The following HYCC2 variants were observed in gnomAD, a reference collection of about 807,000 sequenced individuals.
HYCC2 encodes the protein hyccin PI4KA lipid kinase complex subunit 2.
the HYCC2 span, chr2:201,022,847 T>C: frequency 2.5e-6 from 4 of 1,606,070 alleles, no homozygotes; most frequent in Middle Eastern, 1.6e-4. Context: ...ATTTGAATCT[T>C]GAATAACTTT....
the HYCC2 span, chr2:201,052,228 G>A: frequency 1.3e-5 from 2 of 152,784 alleles, no homozygotes; most frequent in Non-Finnish European, 2.9e-5. Flanking sequence ...AGCCCAGGAG[G>A]CGAGGCTGCA....
At chr2:200,982,737 A>T in the HYCC2 span, among the ~76,000 whole-genome samples, 2 of 152,174 alleles carry the variant, frequency 1.3e-5, no homozygotes. Flanking sequence ...TTCATGCAGA[A>T]ACTGCAGTTA....
chr2:200,977,874 T>A, the HYCC2 span: 1 of 152,162 alleles, frequency 6.6e-6, no homozygotes, highest in African/African-American at 2.4e-5. Context: ...TCTTCTGAGT[T>A]AACTATTCAC....
At chr2:200,974,552 G>C in the HYCC2 span, 1 of 151,756 alleles carries the variant, frequency 6.6e-6, no homozygotes, top group Non-Finnish European at 1.5e-5. Flanking sequence ...ATTCAGTATG[G>C]ATGATAAAAC....
At chr2:201,063,981 A>C in the HYCC2 span, 1 of 1,597,716 alleles carries the variant, frequency 6.3e-7, no homozygotes, top group Non-Finnish European at 8.5e-7. Context: ...TACTTTGCAA[A>C]ACCACGAAAC....
At chr2:201,000,936 C>T in the HYCC2 span, among the ~76,000 whole-genome samples, 9 of 150,510 alleles carry the variant, frequency 6.0e-5, no homozygotes, top group Admixed American at 1.3e-4. Flanking sequence ...GAGTTCAAGA[C>T]CAGCCTGGCC....
the HYCC2 span, among the ~76,000 whole-genome samples, chr2:201,023,367 A>G: frequency 1.3e-5 from 2 of 152,092 alleles, no homozygotes; most frequent in Admixed American, 1.3e-4. Flanking sequence ...AAAGAAAGAA[A>G]GAAGCATCAG....
the HYCC2 span, among the ~76,000 whole-genome samples, chr2:201,036,463 T>C: frequency 2.6e-5 from 4 of 152,202 alleles, no homozygotes; most frequent in East Asian, 7.7e-4. Flanking sequence ...TAGACCAATA[T>C]CCCTGATGTG....
chr2:201,063,653 G>A, the HYCC2 span: 16 of 1,572,722 alleles, frequency 1.0e-5, no homozygotes, highest in East Asian at 3.4e-4. Context: ...GATGACTAGT[G>A]CTTCATCTAG....
chr2:201,064,974 C>G, the HYCC2 span, among the ~76,000 whole-genome samples: 4,717 of 152,250 alleles, frequency 0.031, 262 homozygotes, highest in African/African-American at 0.11. Flanking sequence ...AAAGTTTACT[C>G]AGATCTAACC....
chr2:201,049,373 G>A, the HYCC2 span, among the ~76,000 whole-genome samples: 9 of 151,578 alleles, frequency 5.9e-5, no homozygotes, highest in South Asian at 6.2e-4. Flanking sequence ...TTTTTGAGAC[G>A]GAGTCTCGCT....
the HYCC2 span, among the ~76,000 whole-genome samples, chr2:201,046,018 C>T: frequency 2.2e-4 from 34 of 152,134 alleles, no homozygotes; most frequent in South Asian, 5.8e-3. Flanking sequence ...TCATTAAAAT[C>T]GTAATATGCA....
At chr2:201,007,931 G>A in the HYCC2 span, among the ~76,000 whole-genome samples, 1 of 152,210 alleles carries the variant, frequency 6.6e-6, no homozygotes, top group African/African-American at 2.4e-5. Flanking sequence ...GGAGGGTAAT[G>A]TATCCTGACT....
At chr2:201,043,551 T>C in the HYCC2 span, among the ~76,000 whole-genome samples, 2 of 150,442 alleles carry the variant, frequency 1.3e-5, no homozygotes, top group Non-Finnish European at 3.0e-5. Context: ...CTCTGTTGCC[T>C]AGGCTAGAGT....
At chr2:201,067,785 G>A in the HYCC2 span, among the ~76,000 whole-genome samples, 2 of 152,154 alleles carry the variant, frequency 1.3e-5, no homozygotes, top group Admixed American at 6.5e-5. Context: ...TCCAATTTTA[G>A]TTTAATTCTA....
the HYCC2 span, among the ~76,000 whole-genome samples, chr2:201,037,056 T>G: frequency 1.2e-4 from 19 of 152,300 alleles, no homozygotes; most frequent in South Asian, 6.2e-4. Context: ...AGTCTCAGGA[T>G]ACAAAATCAA....
the HYCC2 span, among the ~76,000 whole-genome samples, chr2:201,050,496 G>A: frequency 6.6e-6 from 1 of 151,526 alleles, no homozygotes; most frequent in African/African-American, 2.4e-5. Flanking sequence ...ATATGCTGAG[G>A]AGGGAGAATC....
the HYCC2 span, among the ~76,000 whole-genome samples, chr2:201,025,715 C>T: frequency 6.6e-6 from 1 of 152,014 alleles, no homozygotes; most frequent in African/African-American, 2.4e-5. Flanking sequence ...GAGTACAGGG[C>T]ACAATGGGCA....
At chr2:200,978,177 A>G in the HYCC2 span, 2 of 152,232 alleles carry the variant, frequency 1.3e-5, no homozygotes, top group African/African-American at 4.8e-5. Flanking sequence ...AATGCCAAAA[A>G]TAATGCATGT....
Sources: gnomAD v4.1 joint callset for allele counts (sites outside exome capture counted in the v4.1 genomes callset) on GRCh38, gnomAD v4.1.1 for gene constraint, MANE v1.5 for transcripts, NCBI Gene and HGNC (gene_info 2026-07-23, HGNC 2026-07-21) for gene names.